Variants in STYK1 observed in about 807,000 individuals in gnomAD.
STYK1 encodes the protein tyrosine-protein kinase STYK1.
A neutral mutation model predicts 48.1 loss-of-function variants in STYK1; 46 were observed. The ratio of observed to expected loss-of-function variants is 0.96; its 90% confidence interval spans 0.75 to 1.22. The LOEUF (loss-of-function observed/expected upper bound fraction) is 1.22, where lower values mean the gene tolerates loss of function less well. Ranked by LOEUF, STYK1 falls within the 50% of genes most tolerant of loss-of-function variation. The pLI is 0.00. For missense variants in STYK1, 527 were observed against 521.1 expected (o/e 1.01, Z -0.11); for synonymous variants, 188 against 189.0 (o/e 0.99, Z 0.04).
intron 1 of STYK1, 133 bp downstream of exon 1, chr12:10,673,833 C>T (rs1947914413): frequency 6.6e-6 from 1 of 152,330 alleles, no homozygotes; most frequent in South Asian, 2.1e-4. Flanking sequence ...CATAAACACC[C>T]GTTCCGCTCC....
intron 1 of STYK1, chr12:10,667,143 A>G (rs958076143): frequency 2.0e-5 from 3 of 152,218 alleles, no homozygotes; most frequent in Admixed American, 6.5e-5. Flanking sequence ...CCTTAAATGT[A>G]TAAAGATGGA....
intron 1 of STYK1, among the ~76,000 whole-genome samples, chr12:10,663,741 GA>G (rs71051521): frequency 1.9e-4 from 28 of 144,966 alleles, no homozygotes; most frequent in South Asian, 4.4e-4. Flanking sequence ...GACCATTTCG[GA>G]AAAAAAAAAA....
chr12:10,669,737 G>A lies in STYK1; in HGVS notation c.-195+4229C>T, dbSNP rs181697799. On this transcript the variant is annotated intron_variant, in intron 1 of 10. Transcript: ENST00000075503. ...AATATCTGAGAAGTGATTAATATCC[G>A]GTAAGTGATTAATATCCAAAATACA... Among the ~76,000 whole-genome samples the A allele has an allele frequency of 8.5e-5, 13 of 152,226 alleles. No individual in the cohort carries two copies. The South Asian group carries it at 1.5e-3, about 17-fold the overall frequency.
chr12:10,638,556 A>G (rs1947510544), intron 1 of STYK1, among the ~76,000 whole-genome samples: 1 of 152,234 alleles, frequency 6.6e-6, no homozygotes, highest in Admixed American at 6.5e-5. Context: ...TACACATACA[A>G]TACAAGCATA....
Position 10,619,855 on chromosome 12 carries a change from C to T in STYK1, c.*289G>A. ...GGGATGAGCTTATTTGTGCCATGCC[C>T]CAACAAATACTGCAGAGTTCTAAAA... On this transcript the variant is annotated 3_prime_UTR_variant, in exon 11 of 11. Coordinates refer to ENST00000075503, the MANE Select transcript of STYK1 (RefSeq NM_018423.3). The T allele has an allele frequency of 2.2e-6, 1 of 444,550 alleles. No homozygotes were observed. The highest frequency in any genetic ancestry group is 3.9e-6 in the Non-Finnish European group (1 of 253,342). The allele number at this position is 444,550 out of a possible 1,614,324, so 27.5% of individuals were successfully genotyped here. A position where few individuals can be genotyped will look rare whatever the true frequency, so the allele number is the denominator to read the frequency against.
chr12:10,648,961 T>C (rs977565360), intron 1 of STYK1, among the ~76,000 whole-genome samples: 2 of 152,236 alleles, frequency 1.3e-5, no homozygotes, highest in African/African-American at 2.4e-5. Context: ...TGTCTACATT[T>C]ATGAAAAATA....
At chr12:10,622,342 G>T (rs1865921360) in intron 9 of STYK1, among the ~76,000 whole-genome samples, 1 of 152,256 alleles carries the variant, frequency 6.6e-6, no homozygotes, top group Non-Finnish European at 1.5e-5. Flanking sequence ...AGACCACTCT[G>T]GGAATTATCC....
intron 1 of STYK1, among the ~76,000 whole-genome samples, chr12:10,653,343 T>G (rs1162034112): frequency 6.6e-6 from 1 of 152,062 alleles, no homozygotes; most frequent in Non-Finnish European, 1.5e-5. Context: ...TGATCCACCA[T>G]GCCTGGCCCA....
intron 8 of STYK1, among the ~76,000 whole-genome samples, chr12:10,623,538 G>T (rs1947322833): frequency 6.6e-6 from 1 of 152,056 alleles, no homozygotes; most frequent in Admixed American, 6.5e-5. Flanking sequence ...AATCAATTAG[G>T]TATTTTATAT....
intron 1 of STYK1, among the ~76,000 whole-genome samples, chr12:10,642,849 A>G (rs1320955923): frequency 6.6e-6 from 1 of 152,240 alleles, no homozygotes; most frequent in Non-Finnish European, 1.5e-5. Context: ...AGAAATGGAA[A>G]GAATGCTAGA....
rs1287839678 is a variant in STYK1 at position 10,637,167 on chromosome 12, T to C, written c.-165A>G. 1.6e-4 allele frequency: 24 copies of C among 152,224 alleles called. No individual in the cohort carries two copies. The highest frequency in any genetic ancestry group is 1.6e-3 in the Admixed American group (24 of 15,280). The allele number at this position is 152,224 out of a possible 1,614,324, so 9.4% of individuals were successfully genotyped here. On this transcript the variant is annotated 5_prime_UTR_variant, in exon 2 of 11. Transcript: ENST00000075503. ...AGTAGTTTAAAGAGGCAAGGCTTAT[T>C]GATATCTTGCAGCCCAGTGAAATTG...
At chr12:10,649,259 T>C (rs967535864) in intron 1 of STYK1, among the ~76,000 whole-genome samples, 6 of 152,140 alleles carry the variant, frequency 3.9e-5, no homozygotes, top group Admixed American at 3.9e-4. Context: ...GGGAAGTCAT[T>C]GTACTATTTT....
intron 1 of STYK1, among the ~76,000 whole-genome samples, chr12:10,639,320 T>C (rs1947518666): frequency 6.6e-6 from 1 of 152,178 alleles, no homozygotes; most frequent in African/African-American, 2.4e-5. Context: ...GCAACTACAG[T>C]GTGCCAGGTA....
intron 1 of STYK1, among the ~76,000 whole-genome samples, chr12:10,663,193 C>T (rs771392271): frequency 1.3e-5 from 2 of 152,144 alleles, no homozygotes; most frequent in Non-Finnish European, 2.9e-5. Context: ...GAGCTCATTG[C>T]AGCCTCAAGC....
In STYK1 at chr12:10,619,219, G is replaced by A. The variant is rs1261102997; in HGVS notation, c.*925C>T. The A allele has an allele frequency of 6.6e-6, 1 of 152,078 alleles. No individual in the cohort carries two copies. The highest frequency in any genetic ancestry group is 1.5e-5 in the Non-Finnish European group (1 of 68,016). 9.4% of individuals were successfully genotyped at this position (152,078 alleles called of 1,614,324 possible). On this transcript the variant is annotated 3_prime_UTR_variant, in exon 11 of 11. Coordinates refer to ENST00000075503, the MANE Select transcript of STYK1 (RefSeq NM_018423.3). ...TTAATTTAATAAAATAAGTTTCACA[G>A]TATATCAACAGATGATTGAAAATTA...
intron 1 of STYK1, among the ~76,000 whole-genome samples, chr12:10,668,920 C>G (rs1050858456): frequency 6.6e-6 from 1 of 152,116 alleles, no homozygotes. Context: ...AGGCACAGAA[C>G]AGTAGCCACA....
intron 7 of STYK1, among the ~76,000 whole-genome samples, chr12:10,625,196 T>G (rs1360933551): frequency 8.3e-6 from 1 of 120,620 alleles, no homozygotes; most frequent in African/African-American, 2.9e-5. Flanking sequence ...GATTCCAAGT[T>G]TCTTTCTTTT....
intron 2 of STYK1, among the ~76,000 whole-genome samples, chr12:10,636,159 T>C (rs538915443): frequency 6.6e-6 from 1 of 152,200 alleles, no homozygotes; most frequent in Non-Finnish European, 1.5e-5. Context: ...ACAGTGTTAC[T>C]TACTGAGGCA....
chr12:10,645,799 G>A (rs1947592074), intron 1 of STYK1, among the ~76,000 whole-genome samples: 1 of 152,124 alleles, frequency 6.6e-6, no homozygotes, highest in East Asian at 1.9e-4. Context: ...CATATGTTGT[G>A]GGAGGGACTC....
Sources: allele counts gnomAD v4.1 joint callset (sites outside exome capture counted in the v4.1 genomes callset), GRCh38; gene constraint gnomAD v4.1.1; transcripts MANE v1.5; gene names NCBI Gene and HGNC (gene_info 2026-07-23, HGNC 2026-07-21).